Variants in TAFA2 observed in about 807,000 individuals in gnomAD.
The protein encoded by TAFA2 is chemokine-like protein TAFA-2.
Under a neutral mutation model 18.8 loss-of-function variants are expected in TAFA2, and 7 were observed. The observed-to-expected ratio is 0.37, with a 90% CI of 0.21 to 0.70. TAFA2 has a LOEUF of 0.70. Ranked by LOEUF, TAFA2 falls within the 30% of genes least tolerant of loss-of-function variation. TAFA2 has a pLI of 0.53. For missense variants in TAFA2, 122 were observed against 158.1 expected, an observed-to-expected ratio of 0.77 and a Z score of 1.23; for synonymous variants, 60 against 54.2, an observed-to-expected ratio of 1.11 and a Z score of -0.47.
intron 1 of TAFA2, among the ~76,000 whole-genome samples, chr12:62,142,613 G>T (rs1432709970): frequency 6.6e-6 from 1 of 152,126 alleles, no homozygotes; most frequent in Non-Finnish European, 1.5e-5. Flanking sequence ...GAGAGAGTAG[G>T]AGAAAAGTTC....
At chr12:62,072,535 C>T (rs925786590) in intron 1 of TAFA2, among the ~76,000 whole-genome samples, 3 of 152,014 alleles carry the variant, frequency 2.0e-5, no homozygotes, top group South Asian at 2.1e-4. Context: ...AATTCCAGCA[C>T]TTTGGGAGGC....
intron 1 of TAFA2, among the ~76,000 whole-genome samples, chr12:61,928,619 T>A (rs1462285099): frequency 6.6e-6 from 1 of 152,088 alleles, no homozygotes; most frequent in Non-Finnish European, 1.5e-5. Flanking sequence ...ATTTCTCAAG[T>A]ATCTAGAACC....
chr12:62,110,646 T>C (rs1279685942), intron 1 of TAFA2, among the ~76,000 whole-genome samples: 1 of 144,634 alleles, frequency 6.9e-6, no homozygotes, highest in Non-Finnish European at 1.5e-5. Flanking sequence ...GGTAGGCTAT[T>C]AATTACTGCC....
intron 4 of TAFA2, among the ~76,000 whole-genome samples, chr12:61,737,997 T>C (rs970478925): frequency 2.6e-5 from 4 of 152,162 alleles, no homozygotes; most frequent in African/African-American, 9.6e-5. Context: ...TAACATATTT[T>C]GGTTAAAATG....
At chr12:62,186,738 C>T (rs1283593293) in intron 1 of TAFA2, among the ~76,000 whole-genome samples, 1 of 152,112 alleles carries the variant, frequency 6.6e-6, no homozygotes, top group Non-Finnish European at 1.5e-5. Flanking sequence ...CTAATATAAA[C>T]ATATAAGCTC....
chr12:61,999,097 G>C (rs1345432958), intron 1 of TAFA2, among the ~76,000 whole-genome samples: 1 of 152,154 alleles, frequency 6.6e-6, no homozygotes, highest in Non-Finnish European at 1.5e-5. Flanking sequence ...TTTCATTTAA[G>C]ACTGAAAAAT....
chr12:61,968,898 T>G (rs953788983), intron 1 of TAFA2, among the ~76,000 whole-genome samples: 2 of 151,782 alleles, frequency 1.3e-5, no homozygotes, highest in Non-Finnish European at 2.9e-5. Context: ...TAAAACTGAC[T>G]GATTTCATAT....
chr12:61,815,288 A>T (rs1872033562), intron 2 of TAFA2, among the ~76,000 whole-genome samples: 1 of 151,432 alleles, frequency 6.6e-6, no homozygotes, highest in Non-Finnish European at 1.5e-5. Flanking sequence ...CCAGTTTGGC[A>T]TGGGAGGAAA....
intron 1 of TAFA2, among the ~76,000 whole-genome samples, chr12:62,239,837 G>T (rs1461344357): frequency 6.6e-6 from 1 of 152,122 alleles, no homozygotes; most frequent in African/African-American, 2.4e-5. Flanking sequence ...GAAGTGAGCT[G>T]TCCCCACTGA....
intron 2 of TAFA2, among the ~76,000 whole-genome samples, chr12:61,778,239 C>A (rs945146140): frequency 2.6e-5 from 4 of 151,808 alleles, no homozygotes; most frequent in African/African-American, 7.3e-5. Context: ...AAAGCTCATT[C>A]CTTGACTACT....
intron 1 of TAFA2, among the ~76,000 whole-genome samples, chr12:61,994,365 G>A (rs1455807254): frequency 6.6e-6 from 1 of 152,164 alleles, no homozygotes; most frequent in East Asian, 1.9e-4. Context: ...GCCATGCTCT[G>A]GATACCTCCT....
intron 1 of TAFA2, among the ~76,000 whole-genome samples, chr12:62,249,272 TAAAAA>T (rs35144994): frequency 7.3e-6 from 1 of 137,720 alleles, no homozygotes; most frequent in Non-Finnish European, 1.6e-5. Flanking sequence ...TTTTTTTTCC[TAAAAA>T]AAAAAAAAAA....
At chr12:62,108,862 G>A (rs1182838293) in intron 1 of TAFA2, among the ~76,000 whole-genome samples, 3 of 151,998 alleles carry the variant, frequency 2.0e-5, no homozygotes, top group Non-Finnish European at 4.4e-5. Context: ...TAAGTTCCTT[G>A]TAGATTCTGG....
chr12:62,158,070 A>G (rs2062383825), intron 1 of TAFA2, among the ~76,000 whole-genome samples: 1 of 152,210 alleles, frequency 6.6e-6, no homozygotes, highest in Non-Finnish European at 1.5e-5. Flanking sequence ...CACATTCCCT[A>G]TAAACTTTTC....
intron 1 of TAFA2, among the ~76,000 whole-genome samples, chr12:61,998,869 A>T (rs1462733518): frequency 2.0e-5 from 3 of 152,230 alleles, no homozygotes; most frequent in African/African-American, 7.2e-5. Context: ...GTAACATCTG[A>T]TCCTGCCAAA....
intron 2 of TAFA2, among the ~76,000 whole-genome samples, chr12:61,794,156 C>A (rs773838856): frequency 2.0e-4 from 31 of 151,902 alleles, no homozygotes; most frequent in Non-Finnish European, 4.6e-4. Context: ...AAGAAGTCCA[C>A]TCCCACCACC....
At chr12:61,870,857 T>C (rs914516185) in intron 1 of TAFA2, among the ~76,000 whole-genome samples, 1 of 152,198 alleles carries the variant, frequency 6.6e-6, no homozygotes, top group Non-Finnish European at 1.5e-5. Flanking sequence ...CAACAGCCAC[T>C]TGCCATACCA....
At chr12:62,026,871 G>C (rs540088143) in intron 1 of TAFA2, among the ~76,000 whole-genome samples, 1 of 152,216 alleles carries the variant, frequency 6.6e-6, no homozygotes, top group East Asian at 1.9e-4. Flanking sequence ...ATATTAAACA[G>C]CATGAGATAA....
At chr12:62,203,731 C>T (rs116573998) in intron 1 of TAFA2, among the ~76,000 whole-genome samples, 1,539 of 152,242 alleles carry the variant, frequency 0.01, 22 homozygotes, top group African/African-American at 0.03. Flanking sequence ...TGTGTGTCTT[C>T]GCCCATGAGC....
Sources: allele counts gnomAD v4.1 joint callset (sites outside exome capture counted in the v4.1 genomes callset), GRCh38; gene constraint gnomAD v4.1.1; transcripts MANE v1.5; gene names NCBI Gene and HGNC (gene_info 2026-07-23, HGNC 2026-07-21).